AGAP1: variants seen among roughly 807,000 people sequenced by gnomAD.
The protein encoded by AGAP1 is arf-GAP with GTPase, ANK repeat and PH domain-containing protein 1.
In AGAP1, 29 loss-of-function variants were observed where a neutral mutation model predicts 105.3. That is an observed-to-expected ratio of 0.28 (90% CI 0.21 to 0.38). AGAP1 has a LOEUF of 0.38. Among genes scored for constraint, AGAP1 ranks in the 10% least tolerant of loss-of-function variants. The probability of loss-of-function intolerance (pLI) is 1.00; values close to 1 mark genes in which losing one functional copy is unlikely to be tolerated. For missense variants in AGAP1, 998 were observed against 1,165.1 expected (o/e 0.86, Z 2.09); for synonymous variants, 509 against 485.9 (o/e 1.05, Z -0.63).
At chr2:236,032,777 A>C (rs900114921) in intron 13 of AGAP1, among the ~76,000 whole-genome samples, 6 of 152,158 alleles carry the variant, frequency 3.9e-5, no homozygotes, top group Admixed American at 2.6e-4. Flanking sequence ...AACCATGCCA[A>C]ATCCAGGTCC....
rs146915197 is a variant in AGAP1, at chr2:235,989,633, G to A, written c.1645+21010G>A. ...GGAAGATGTGGGAGAAACTAGAGGG[G>A]ATTAGGAGAGTTCGGGCTGCACCAG... is the stretch of plus-strand genomic sequence containing the variant. On this transcript the variant is annotated intron_variant, in intron 13 of 17. Coordinates refer to ENST00000304032, the MANE Select transcript of AGAP1 (RefSeq NM_001037131.3). The surrounding 1 kb of genome is among the most constrained non-coding windows in gnomAD (Gnocchi z 4.4). Among the ~76,000 whole-genome samples the A allele has an allele frequency of 3.9e-3, 592 of 152,316 alleles. 2 individuals carry two copies. Among genetic ancestry groups the A allele is most frequent in the Middle Eastern group, 6.8e-3 (2 of 294 alleles).
At chr2:235,880,083 CTT>C (rs35633339) in intron 9 of AGAP1, among the ~76,000 whole-genome samples, 6,350 of 138,798 alleles carry the variant, frequency 0.046, 212 homozygotes, top group African/African-American at 0.085. Context: ...GCACTCTGGC[CTT>C]TTTTTTTTTT....
In AGAP1 at chr2:236,044,334, T is replaced by G. The variant is rs555254186; in HGVS notation, c.1891+3493T>G. ...AGGAAAGTCCACACCTGAGGGCCCCTGAGAATCCTAGGGCTTGGGACCCTC... is the reference window on the plus strand; with the variant it reads ...AGGAAAGTCCACACCTGAGGGCCCCGGAGAATCCTAGGGCTTGGGACCCTC... On this transcript the variant is annotated intron_variant, in intron 15 of 17. Transcript: ENST00000304032. This position sits in a 1 kb window ranked among gnomAD's most constrained non-coding sequence, Gnocchi z 5.7. 9.8e-4 allele frequency among the ~76,000 whole-genome samples: 149 copies of G among 152,244 alleles called. 1 individual carries two copies. Among genetic ancestry groups the G allele is most frequent in the Non-Finnish European group, 1.7e-3 (116 of 68,002 alleles).
Position 235,792,718 on chromosome 2 carries a change from C to T in AGAP1, c.674-5041C>T, listed in dbSNP as rs138150572. Among the ~76,000 whole-genome samples the T allele has an allele frequency of 2.5e-3, 380 of 152,242 alleles. 1 individual carries two copies. Among genetic ancestry groups the T allele is most frequent in the African/African-American group, 8.8e-3 (366 of 41,552 alleles). ...GCCATCGACTGAGCTAGAAAACAGA[C>T]GAGAGGCAGGTCTGAGAGAGGCTAG... On this transcript the variant is annotated intron_variant, in intron 6 of 17. Coordinates refer to ENST00000304032, the MANE Select transcript of AGAP1 (RefSeq NM_001037131.3). This position sits in a 1 kb window ranked among gnomAD's most constrained non-coding sequence, Gnocchi z 5.3.
intron 9 of AGAP1, chr2:235,853,016 C>A: frequency 8.0e-7 from 1 of 1,246,224 alleles, no homozygotes; most frequent in Non-Finnish European, 1.0e-6. Flanking sequence ...CCAGAAAGTT[C>A]GGCAACTCAC....
intron 9 of AGAP1, among the ~76,000 whole-genome samples, chr2:235,870,622 AT>A (rs1261057430): frequency 6.6e-6 from 1 of 151,912 alleles, no homozygotes; most frequent in Admixed American, 6.6e-5. Context: ...GTGAAACTCC[AT>A]CTGGAAAAAA....
Position 236,120,737 on chromosome 2 carries a change from A to G in AGAP1, c.2370+290A>G, listed in dbSNP as rs182055401. On this transcript the variant is annotated intron_variant, in intron 17 of 17. Transcript: ENST00000304032. This position sits in a 1 kb window ranked among gnomAD's most constrained non-coding sequence, Gnocchi z 6.0. ...TTCATTTCCATCATCTTCTGGAGAGAAGGCGGTGTATTAACGGGATGGCTT... is the reference window on the plus strand; with the variant it reads ...TTCATTTCCATCATCTTCTGGAGAGGAGGCGGTGTATTAACGGGATGGCTT... Among the ~76,000 whole-genome samples, 1 of 152,166 alleles carries G rather than the reference A, an allele frequency of 6.6e-6. No individual in the cohort carries two copies. Among genetic ancestry groups the G allele is most frequent in the African/African-American group, 2.4e-5 (1 of 41,542 alleles).
chr2:235,753,313 C>T lies in AGAP1; in HGVS notation c.673+2825C>T, dbSNP rs1953616585. 1.3e-5 allele frequency among the ~76,000 whole-genome samples: 2 copies of T among 152,168 alleles called. No homozygotes were observed. Among genetic ancestry groups the T allele is most frequent in the Admixed American group, 6.5e-5 (1 of 15,272 alleles). On this transcript the variant is annotated intron_variant, in intron 6 of 17. Coordinates refer to ENST00000304032, the MANE Select transcript of AGAP1 (RefSeq NM_001037131.3). The surrounding 1 kb of genome is among the most constrained non-coding windows in gnomAD (Gnocchi z 4.5). The stretch of plus-strand genomic sequence containing the variant: ...TCCGTTACTGTGACAGCTCATGTCG[C>T]ACCTCCCCAGGTGATGCTGTGATGA...
intron 16 of AGAP1, 183 bp downstream of exon 16, chr2:236,049,464 C>T: frequency 1.8e-6 from 1 of 556,220 alleles, no homozygotes; most frequent in Admixed American, 3.2e-5. Flanking sequence ...GTGGATAATT[C>T]ACACTCCTTA....
chr2:235,532,306 T>C (rs6740767), intron 1 of AGAP1, among the ~76,000 whole-genome samples: 18,565 of 152,230 alleles, frequency 0.12, 1,446 homozygotes, highest in African/African-American at 0.21. Context: ...AACCTCTGCC[T>C]GCCCAGCTCA....
chr2:235,892,004 A>AC (rs1351604561), intron 10 of AGAP1, among the ~76,000 whole-genome samples: 9 of 152,108 alleles, frequency 5.9e-5, no homozygotes, highest in Middle Eastern at 3.4e-3. Flanking sequence ...AAATATAAAA[A>AC]CTAACCAGGT....
At position 236,082,972 on chromosome 2, in the gene AGAP1, A is replaced by G. The variant is rs1576261883; in HGVS notation, c.2114+33691A>G. Among the ~76,000 whole-genome samples the G allele has an allele frequency of 2.0e-5, 3 of 152,152 alleles. No individual in the cohort carries two copies. Among genetic ancestry groups the G allele is most frequent in the Middle Eastern group, 3.4e-3 (1 of 292 alleles). ...GGAATTCAAGACCAGCCTGACCAAC[A>G]TGGAGAAACCCTGTCTCTACTAAAA... On this transcript the variant is annotated intron_variant, in intron 16 of 17. Coordinates refer to ENST00000304032, the MANE Select transcript of AGAP1 (RefSeq NM_001037131.3). This position sits in a 1 kb window ranked among gnomAD's most constrained non-coding sequence, Gnocchi z 4.2.
At chr2:235,649,194 G>A (rs1238098796) in intron 1 of AGAP1, among the ~76,000 whole-genome samples, 2 of 152,152 alleles carry the variant, frequency 1.3e-5, no homozygotes, top group African/African-American at 4.8e-5. Flanking sequence ...CGCTCCTCGG[G>A]GGAGGATTTT....
At chr2:235,942,277 G>GCCTCTA in intron 12 of AGAP1, among the ~76,000 whole-genome samples, 1 of 152,186 alleles carries the variant, frequency 6.6e-6, no homozygotes. Context: ...CACGGGTAGA[G>GCCTCTA]CCGTCACTGA....
intron 13 of AGAP1, among the ~76,000 whole-genome samples, chr2:236,029,050 A>G (rs914793692): frequency 6.6e-6 from 1 of 152,146 alleles, no homozygotes; most frequent in Non-Finnish European, 1.5e-5. Context: ...TACCTCTCCC[A>G]GTAGAGCAGT....
In AGAP1 at chr2:235,739,964, G is replaced by A. The variant is rs1450435097; in HGVS notation, c.311-999G>A. On this transcript the variant is annotated intron_variant, in intron 3 of 17. Transcript: ENST00000304032. The surrounding 1 kb of genome is among the most constrained non-coding windows in gnomAD (Gnocchi z 5.3). ...TCCAGCGATTTGGGGTTTAGACAGG[G>A]TTTCTGGACGGCATCTGCACAGAGG... Among the ~76,000 whole-genome samples the A allele has an allele frequency of 6.6e-6, 1 of 152,204 alleles. No individual in the cohort carries two copies. The highest frequency in any genetic ancestry group is 6.5e-5 in the Admixed American group (1 of 15,288).
chr2:236,104,803 G>A lies in AGAP1; in HGVS notation c.2115-15389G>A, dbSNP rs142277021. On this transcript the variant is annotated intron_variant, in intron 16 of 17. Coordinates refer to ENST00000304032, the MANE Select transcript of AGAP1 (RefSeq NM_001037131.3). The surrounding 1 kb of genome is among the most constrained non-coding windows in gnomAD (Gnocchi z 4.7). Reference sequence around the variant, plus strand: ...ACTCGGGAGGCTGAGGCAGGCAGGAGAATCGCTTGAACCGGGACCCGGGAG... The same window carrying A: ...ACTCGGGAGGCTGAGGCAGGCAGGAAAATCGCTTGAACCGGGACCCGGGAG... Among the ~76,000 whole-genome samples, 182 of 152,264 alleles carry A rather than the reference G, an allele frequency of 1.2e-3. No homozygotes were observed. The highest frequency in any genetic ancestry group is 4.1e-3 in the African/African-American group (171 of 41,568).
rs1951742715 is a variant in AGAP1, at chr2:235,728,135, A to C, written c.310+10491A>C. Among the ~76,000 whole-genome samples, 1 of 152,208 alleles carries C rather than the reference A, an allele frequency of 6.6e-6. No individual in the cohort carries two copies. Among genetic ancestry groups the C allele is most frequent in the Non-Finnish European group, 1.5e-5 (1 of 68,034 alleles). The stretch of plus-strand genomic sequence containing the variant: ...TTCCAAGGGCCAGGACGATGGAGAC[A>C]AGGGAAGTAGAAGTTGAAAGAAACT... On this transcript the variant is annotated intron_variant, in intron 3 of 17. Transcript: ENST00000304032. The surrounding 1 kb of genome is among the most constrained non-coding windows in gnomAD (Gnocchi z 4.3).
rs1164602990 is a variant in AGAP1, at chr2:236,053,255, C to T, written c.2114+3974C>T. On this transcript the variant is annotated intron_variant, in intron 16 of 17. Coordinates refer to ENST00000304032, the MANE Select transcript of AGAP1 (RefSeq NM_001037131.3). This position sits in a 1 kb window ranked among gnomAD's most constrained non-coding sequence, Gnocchi z 4.6. ...AAAACAGTCGTGCGAACGTCTCCTG[C>T]ATGAATGAATGATTGAACGAGTAAA... Among the ~76,000 whole-genome samples the T allele has an allele frequency of 6.6e-6, 1 of 152,230 alleles. No individual in the cohort carries two copies. The highest frequency in any genetic ancestry group is 1.5e-5 in the Non-Finnish European group (1 of 68,052).
Sources: gnomAD v4.1 joint callset for allele counts (sites outside exome capture counted in the v4.1 genomes callset) on GRCh38, gnomAD v4.1.1 for gene constraint, Gnocchi (gnomAD v3.1) non-coding constraint, MANE v1.5 for transcripts, NCBI Gene and HGNC (gene_info 2026-07-23, HGNC 2026-07-21) for gene names.